CNTNAP2: variants seen among roughly 807,000 people sequenced by gnomAD.
CNTNAP2 encodes the protein contactin-associated protein-like 2.
Under a neutral mutation model 155.2 loss-of-function variants are expected in CNTNAP2, and 98 were observed. The ratio of observed to expected loss-of-function variants is 0.63; its 90% confidence interval spans 0.54 to 0.75. The LOEUF is 0.75. CNTNAP2 is among the 30% of genes least tolerant of loss of function. The pLI is 0.00. For synonymous variants in CNTNAP2, 651 were observed against 631.2 expected, an observed-to-expected ratio of 1.03 and a Z score of -0.47; for missense variants, 1,727 against 1,688.1, an observed-to-expected ratio of 1.02 and a Z score of -0.40.
chr7:147,653,319 G>C (rs1450043815), intron 13 of CNTNAP2, among the ~76,000 whole-genome samples: 1 of 152,054 alleles, frequency 6.6e-6, no homozygotes, highest in African/African-American at 2.4e-5. Context: ...GACACATCCA[G>C]TGTTTCATTC....
chr7:147,558,825 CTT>C (rs1562996155), intron 11 of CNTNAP2, among the ~76,000 whole-genome samples: 1 of 152,018 alleles, frequency 6.6e-6, no homozygotes, highest in Non-Finnish European at 1.5e-5. Flanking sequence ...TCACTGCATC[CTT>C]CGCCTCCTGG....
chr7:147,410,559 A>C (rs1797086535), intron 10 of CNTNAP2, among the ~76,000 whole-genome samples: 1 of 152,210 alleles, frequency 6.6e-6, no homozygotes, highest in South Asian at 2.1e-4. Context: ...AAACAAAAAC[A>C]ACCACAAAGA....
At position 147,108,258 on chromosome 7, in the gene CNTNAP2, G is replaced by A. The variant is rs1800806184; in HGVS notation, c.662G>A (p.Ser221Asn). Residue 221 changes from serine (S) to asparagine (N), a missense_variant, in exon 5 of 24, where the codon AGT (serine) becomes AAT (asparagine). Transcript: ENST00000361727. ...GCCTTGAACTTTAAGACGTCTGAAA[G>A]TGAAGGAGTAATCCTGCACGGAGAA... ...VIALNFKTSE[S>N]EGVILHGEGQ... 1.2e-6 allele frequency: 2 copies of A among 1,613,788 alleles called. No homozygotes were observed. The highest frequency in any genetic ancestry group is 2.7e-5 in the African/African-American group (2 of 75,030).
chr7:146,935,796 C>G (rs1293827325), intron 3 of CNTNAP2, among the ~76,000 whole-genome samples: 2 of 152,124 alleles, frequency 1.3e-5, no homozygotes. Context: ...AAGAAGAGGA[C>G]TACTTAATCA....
At chr7:147,636,992 C>G (rs1437364895) in intron 12 of CNTNAP2, among the ~76,000 whole-genome samples, 1 of 152,010 alleles carries the variant, frequency 6.6e-6, no homozygotes, top group Non-Finnish European at 1.5e-5. Flanking sequence ...AGGAGGGACC[C>G]TGCTGATGTG....
chr7:147,518,286 A>G (rs1799165618), intron 11 of CNTNAP2, among the ~76,000 whole-genome samples: 1 of 152,228 alleles, frequency 6.6e-6, no homozygotes, highest in Non-Finnish European at 1.5e-5. Context: ...ATGATGACGA[A>G]TTTCAGAAAG....
At chr7:146,166,988 A>C (rs1452686453) in intron 1 of CNTNAP2, among the ~76,000 whole-genome samples, 1 of 152,216 alleles carries the variant, frequency 6.6e-6, no homozygotes, top group African/African-American at 2.4e-5. Context: ...TTCCCACCTG[A>C]CATGTAGGGG....
chr7:146,591,860 A>T (rs1798788532), intron 1 of CNTNAP2, among the ~76,000 whole-genome samples: 1 of 152,178 alleles, frequency 6.6e-6, no homozygotes, highest in Admixed American at 6.6e-5. Context: ...TTACTCAAAG[A>T]TGCTCTGAAT....
At chr7:147,574,128 T>C (rs930384873) in intron 12 of CNTNAP2, among the ~76,000 whole-genome samples, 47 of 152,192 alleles carry the variant, frequency 3.1e-4, no homozygotes, top group Admixed American at 2.8e-3. Context: ...TTCATTGTGG[T>C]TTTAAATCAG....
intron 2 of CNTNAP2, among the ~76,000 whole-genome samples, chr7:146,822,339 G>T (rs570082020): frequency 1.3e-5 from 2 of 152,148 alleles, no homozygotes; most frequent in Admixed American, 6.6e-5. Context: ...GGGCAGGGGG[G>T]AGTGATAGCA....
chr7:148,249,471 G>A (rs1432755566), intron 20 of CNTNAP2, among the ~76,000 whole-genome samples: 3 of 151,988 alleles, frequency 2.0e-5, no homozygotes, highest in South Asian at 2.1e-4. Flanking sequence ...ATCCAATGTC[G>A]TGCTCTTAAA....
chr7:146,929,092 C>T (rs1288133479), intron 3 of CNTNAP2, among the ~76,000 whole-genome samples: 1 of 152,198 alleles, frequency 6.6e-6, no homozygotes, highest in East Asian at 1.9e-4. Context: ...CAGTGGCTCT[C>T]CCAGCATGCA....
At chr7:146,346,383 C>A (rs954217768) in intron 1 of CNTNAP2, among the ~76,000 whole-genome samples, 1 of 152,080 alleles carries the variant, frequency 6.6e-6, no homozygotes, top group Non-Finnish European at 1.5e-5. Context: ...TTGTGTATTC[C>A]TTGTAAGAAT....
intron 3 of CNTNAP2, among the ~76,000 whole-genome samples, chr7:146,884,154 G>T (rs1302930806): frequency 6.6e-6 from 1 of 152,098 alleles, no homozygotes; most frequent in African/African-American, 2.4e-5. Flanking sequence ...TTCAAGACCT[G>T]CAGTTAGCTC....
chr7:148,280,524 C>T (rs924041887), intron 21 of CNTNAP2, among the ~76,000 whole-genome samples: 3 of 152,162 alleles, frequency 2.0e-5, no homozygotes, highest in Non-Finnish European at 4.4e-5. Flanking sequence ...CAAAATGTCT[C>T]CAATGGGGAA....
At chr7:146,665,185 G>A (rs935873074) in intron 1 of CNTNAP2, among the ~76,000 whole-genome samples, 1 of 152,132 alleles carries the variant, frequency 6.6e-6, no homozygotes, top group Admixed American at 6.5e-5. Context: ...CTGACCTCAG[G>A]TGATCTGCCC....
At chr7:146,443,653 A>G (rs1796360045) in intron 1 of CNTNAP2, among the ~76,000 whole-genome samples, 2 of 152,264 alleles carry the variant, frequency 1.3e-5, no homozygotes, top group African/African-American at 2.4e-5. Context: ...ACCAAAACCC[A>G]AAACTGAGTA....
intron 13 of CNTNAP2, among the ~76,000 whole-genome samples, chr7:147,694,333 TTGTC>T (rs372283947): frequency 1.3e-5 from 2 of 152,106 alleles, no homozygotes; most frequent in African/African-American, 4.8e-5. Flanking sequence ...TATAATGTCT[TTGTC>T]TGGTTTTGGT....
At chr7:146,598,535 T>C (rs1343040333) in intron 1 of CNTNAP2, among the ~76,000 whole-genome samples, 2 of 152,124 alleles carry the variant, frequency 1.3e-5, no homozygotes, top group Non-Finnish European at 2.9e-5. Flanking sequence ...GGTTTTCACA[T>C]GGCTCAGTCC....
Sources: gnomAD v4.1 joint callset for allele counts (sites outside exome capture counted in the v4.1 genomes callset) on GRCh38, gnomAD v4.1.1 for gene constraint, MANE v1.5 for transcripts, NCBI Gene and HGNC (gene_info 2026-07-23, HGNC 2026-07-21) for gene names.